The following POU6F2 variants were observed in gnomAD, a reference collection of about 807,000 sequenced individuals.
The protein encoded by POU6F2 is POU domain, class 6, transcription factor 2.
Under a neutral mutation model 71.3 loss-of-function variants are expected in POU6F2, and 31 were observed. That is an observed-to-expected ratio of 0.43 (90% CI 0.33 to 0.59). POU6F2 has a LOEUF of 0.59. Among genes scored for constraint, POU6F2 ranks in the 20% least tolerant of loss-of-function variants. The probability of loss-of-function intolerance (pLI) is 0.04; values close to 1 mark genes in which losing one functional copy is unlikely to be tolerated. For synonymous variants in POU6F2, 347 were observed against 355.7 expected, an observed-to-expected ratio of 0.98 and a Z score of 0.27; for missense variants, 783 against 856.8, an observed-to-expected ratio of 0.91 and a Z score of 1.07.
At chr7:38,983,725 T>G (rs986575576) in intron 1 of POU6F2, among the ~76,000 whole-genome samples, 8 of 152,172 alleles carry the variant, frequency 5.3e-5, no homozygotes, top group Non-Finnish European at 1.2e-4. Flanking sequence ...CCTGGTTTTC[T>G]GTATGCTTGT....
intron 6 of POU6F2, among the ~76,000 whole-genome samples, chr7:39,413,766 T>C (rs994527337): frequency 5.9e-5 from 9 of 152,222 alleles, no homozygotes; most frequent in Non-Finnish European, 8.8e-5. Context: ...TATAGGAATT[T>C]TACCCTGACT....
intron 4 of POU6F2, among the ~76,000 whole-genome samples, chr7:39,230,859 C>A (rs901655575): frequency 1.3e-5 from 2 of 152,050 alleles, no homozygotes; most frequent in Non-Finnish European, 2.9e-5. Context: ...CCAATGCATC[C>A]CAAATAGATT....
chr7:39,088,265 G>T (rs1791296405), intron 2 of POU6F2, among the ~76,000 whole-genome samples: 1 of 152,166 alleles, frequency 6.6e-6, no homozygotes, highest in Non-Finnish European at 1.5e-5. Flanking sequence ...AGGATCAGGA[G>T]GAAGACACTC....
chr7:39,364,898 T>C (rs1209030467), intron 5 of POU6F2, among the ~76,000 whole-genome samples: 2 of 152,224 alleles, frequency 1.3e-5, no homozygotes, highest in Non-Finnish European at 2.9e-5. Context: ...TGTGGAAGTG[T>C]TCCCTGTTAA....
chr7:39,217,562 A>C lies in POU6F2; in HGVS notation c.598+9942A>C, dbSNP rs57378783. 1.1e-4 allele frequency among the ~76,000 whole-genome samples: 16 copies of C among 152,342 alleles called. No individual in the cohort carries two copies. The East Asian group carries it at 3.1e-3, about 29-fold the overall frequency. On this transcript the variant is annotated intron_variant, in intron 4 of 9. Coordinates refer to ENST00000518318, the MANE Select transcript of POU6F2 (RefSeq NM_001370959.1). ...GTACCTGCCACAGAAATGAGAAGAAAGGACTTTGGTTCTTAGTATGCAATG... is the reference window on the plus strand; with the variant it reads ...GTACCTGCCACAGAAATGAGAAGAACGGACTTTGGTTCTTAGTATGCAATG...
chr7:39,192,142 G>A (rs1793682707), intron 2 of POU6F2, among the ~76,000 whole-genome samples: 1 of 152,146 alleles, frequency 6.6e-6, no homozygotes, highest in African/African-American at 2.4e-5. Context: ...TTACCATAAG[G>A]GTTTGCTAAC....
chr7:39,410,391 C>G (rs1363832028), intron 6 of POU6F2, among the ~76,000 whole-genome samples: 1 of 152,218 alleles, frequency 6.6e-6, no homozygotes, highest in Non-Finnish European at 1.5e-5. Context: ...CCCAACTCCA[C>G]TCTGAGGTGG....
intron 1 of POU6F2, among the ~76,000 whole-genome samples, chr7:39,001,265 T>G: frequency 6.6e-6 from 1 of 152,126 alleles, no homozygotes; most frequent in East Asian, 1.9e-4. Context: ...TTGATTTTTT[T>G]TTTTGCATTG....
intron 2 of POU6F2, among the ~76,000 whole-genome samples, chr7:39,183,423 C>T (rs965062475): frequency 2.0e-5 from 3 of 152,108 alleles, no homozygotes; most frequent in Non-Finnish European, 2.9e-5. Context: ...GCAGACAGTT[C>T]TTATGTAACA....
intron 1 of POU6F2, chr7:39,004,915 G>C (rs989817696): frequency 6.6e-6 from 1 of 152,140 alleles, no homozygotes; most frequent in African/African-American, 2.4e-5. Context: ...AGACACAATG[G>C]CCAGGCTCTC....
chr7:39,336,125 T>C (rs188405694), intron 4 of POU6F2, among the ~76,000 whole-genome samples: 61 of 152,378 alleles, frequency 4.0e-4, no homozygotes, highest in Admixed American at 3.6e-3. Flanking sequence ...ACAATACACA[T>C]AACATACAAC....
chr7:39,030,799 C>T (rs1789924072), intron 1 of POU6F2, among the ~76,000 whole-genome samples: 1 of 151,622 alleles, frequency 6.6e-6, no homozygotes, highest in Non-Finnish European at 1.5e-5. Flanking sequence ...AGGGACTGTA[C>T]CATGTTGCAT....
chr7:39,192,528 A>G (rs1190926090), intron 2 of POU6F2, among the ~76,000 whole-genome samples: 1 of 152,194 alleles, frequency 6.6e-6, no homozygotes, highest in Non-Finnish European at 1.5e-5. Context: ...ATAAGAGAGC[A>G]ATGATATTGG....
At chr7:39,026,583 C>G (rs550607960) in intron 1 of POU6F2, among the ~76,000 whole-genome samples, 2 of 152,098 alleles carry the variant, frequency 1.3e-5, no homozygotes, top group East Asian at 3.9e-4. Flanking sequence ...GGGAACAACA[C>G]ACTCTGGGGA....
intron 7 of POU6F2, among the ~76,000 whole-genome samples, chr7:39,434,323 A>T (rs1181269785): frequency 6.6e-6 from 1 of 152,236 alleles, no homozygotes; most frequent in Middle Eastern, 3.4e-3. Context: ...CTCTATAAAC[A>T]ATCTAAAAAG....
At chr7:39,439,396 T>A (rs1209320209) in intron 7 of POU6F2, among the ~76,000 whole-genome samples, 1 of 152,222 alleles carries the variant, frequency 6.6e-6, no homozygotes, top group African/African-American at 2.4e-5. Flanking sequence ...TTTGGTTCTG[T>A]CATCGTGCTG....
intron 4 of POU6F2, among the ~76,000 whole-genome samples, chr7:39,276,450 G>A (rs1784440604): frequency 6.6e-6 from 1 of 151,960 alleles, no homozygotes; most frequent in Admixed American, 6.6e-5. Context: ...TTACACTGTT[G>A]GTGGAACTGT....
At chr7:39,182,993 A>G (rs879634025) in intron 2 of POU6F2, among the ~76,000 whole-genome samples, 7 of 152,142 alleles carry the variant, frequency 4.6e-5, no homozygotes, top group Non-Finnish European at 8.8e-5. Context: ...GGTGTCCCCA[A>G]CTCCCAAGCT....
intron 4 of POU6F2, among the ~76,000 whole-genome samples, chr7:39,236,106 A>C (rs1434212611): frequency 1.3e-5 from 2 of 152,166 alleles, no homozygotes; most frequent in Non-Finnish European, 2.9e-5. Context: ...TTGAAAACCA[A>C]ACTGCACTCA....
Sources: allele counts gnomAD v4.1 joint callset (sites outside exome capture counted in the v4.1 genomes callset), GRCh38; gene constraint gnomAD v4.1.1; transcripts MANE v1.5; gene names NCBI Gene and HGNC (gene_info 2026-07-23, HGNC 2026-07-21).